The following BNC2 variants were observed in gnomAD, a reference collection of about 807,000 sequenced individuals.
The protein encoded by BNC2 is basonuclin zinc finger protein 2, also known as zinc finger protein basonuclin-2.
Under a neutral mutation model 76.3 loss-of-function variants are expected in BNC2, and 20 were observed. That is an observed-to-expected ratio of 0.26 (90% CI 0.18 to 0.38). The LOEUF is 0.38. Ranked by LOEUF, BNC2 falls within the 10% of genes least tolerant of loss-of-function variation. The pLI, the probability that BNC2 is intolerant of heterozygous loss-of-function variation, is 1.00. For missense variants in BNC2, 1,382 were observed against 1,399.8 expected (o/e 0.99, Z 0.20); for synonymous variants, 582 against 514.8 (o/e 1.13, Z -1.77).
chr9:16,704,110 C>T (rs1190549794), intron 3 of BNC2, among the ~76,000 whole-genome samples: 1 of 152,122 alleles, frequency 6.6e-6, no homozygotes, highest in Admixed American at 6.5e-5. Context: ...AAAAATCAGA[C>T]ACATGAATAT....
At chr9:16,758,336 TC>T (rs1449155776) in intron 1 of BNC2, among the ~76,000 whole-genome samples, 1 of 102,020 alleles carries the variant, frequency 9.8e-6, no homozygotes, top group Non-Finnish European at 2.2e-5. Context: ...GTTTGCAAAG[TC>T]CCTTGTCTTT....
chr9:16,747,345 T>C (rs1563924881), intron 1 of BNC2, among the ~76,000 whole-genome samples: 1 of 38,018 alleles, frequency 2.6e-5, no homozygotes, highest in Non-Finnish European at 9.0e-5. Flanking sequence ...TTATAAAAGA[T>C]ACAATTAACA....
intron 2 of BNC2, among the ~76,000 whole-genome samples, chr9:16,729,415 C>A (rs763725142): frequency 1.1e-4 from 16 of 152,082 alleles, no homozygotes; most frequent in Non-Finnish European, 2.4e-4. Context: ...ACAAAAGAAA[C>A]AGAAAAGAGC....
chr9:16,463,959 G>A (rs749067125), intron 5 of BNC2, among the ~76,000 whole-genome samples: 1 of 151,822 alleles, frequency 6.6e-6, no homozygotes, highest in Non-Finnish European at 1.5e-5. Context: ...GGCCAGGCTT[G>A]GTGGTGCACA....
intron 3 of BNC2, among the ~76,000 whole-genome samples, chr9:16,590,464 A>G (rs1819893289): frequency 6.6e-6 from 1 of 151,582 alleles, no homozygotes; most frequent in Non-Finnish European, 1.5e-5. Context: ...AAGTGCTAGG[A>G]TTACAGGCAT....
chr9:16,622,938 T>A (rs1820903088), intron 3 of BNC2, among the ~76,000 whole-genome samples: 1 of 152,166 alleles, frequency 6.6e-6, no homozygotes, highest in Non-Finnish European at 1.5e-5. Context: ...ATTCTCTGGG[T>A]ACCCTAATAT....
intron 1 of BNC2, among the ~76,000 whole-genome samples, chr9:16,844,875 C>G (rs551199430): frequency 2.5e-3 from 387 of 152,316 alleles, no homozygotes; most frequent in African/African-American, 8.9e-3. Flanking sequence ...AACAACTCAT[C>G]ACTGTATGTA....
intron 3 of BNC2, among the ~76,000 whole-genome samples, chr9:16,714,618 T>TA (rs1823946066): frequency 6.6e-6 from 1 of 152,230 alleles, no homozygotes; most frequent in South Asian, 2.1e-4. Flanking sequence ...AACAACTTGT[T>TA]ATGTTTAAAA....
At chr9:16,869,244 G>A (rs1433830037) in intron 1 of BNC2, among the ~76,000 whole-genome samples, 1 of 151,800 alleles carries the variant, frequency 6.6e-6, no homozygotes, top group African/African-American at 2.4e-5. Flanking sequence ...GCCACTTTTT[G>A]CCACTTTAAT....
chr9:16,560,093 C>A (rs551777026), intron 4 of BNC2, among the ~76,000 whole-genome samples: 2 of 152,172 alleles, frequency 1.3e-5, no homozygotes, highest in Admixed American at 1.3e-4. Flanking sequence ...AGTGGAGGAC[C>A]TGTTGAAACA....
chr9:16,444,471 G>A (rs1273786805), intron 5 of BNC2, among the ~76,000 whole-genome samples: 3 of 152,056 alleles, frequency 2.0e-5, no homozygotes, highest in Admixed American at 6.6e-5. Flanking sequence ...TGACCTCTTG[G>A]TTAGGTGGAC....
At chr9:16,717,130 T>A (rs1198401002) in intron 3 of BNC2, among the ~76,000 whole-genome samples, 1 of 152,224 alleles carries the variant, frequency 6.6e-6, no homozygotes, top group Non-Finnish European at 1.5e-5. Flanking sequence ...CAATTAGAAA[T>A]AGACACCTGG....
At chr9:16,610,941 G>A (rs1347299007) in intron 3 of BNC2, among the ~76,000 whole-genome samples, 1 of 152,146 alleles carries the variant, frequency 6.6e-6, no homozygotes, top group Non-Finnish European at 1.5e-5. Context: ...TACAGCTCCT[G>A]TAATTACACT....
At chr9:16,567,305 G>T (rs73419428) in intron 4 of BNC2, among the ~76,000 whole-genome samples, 8,284 of 152,066 alleles carry the variant, frequency 0.054, 810 homozygotes, top group African/African-American at 0.19. Context: ...AATGCAAAAT[G>T]GGTAATAAAT....
intron 5 of BNC2, among the ~76,000 whole-genome samples, chr9:16,503,939 A>G (rs1041658002): frequency 7.9e-5 from 12 of 152,210 alleles, no homozygotes; most frequent in African/African-American, 2.9e-4. Context: ...CAGGAATTAT[A>G]GTTCAGTAAG....
chr9:16,435,896 G>A lies in BNC2; in HGVS notation c.2298C>T (p.Pro766=), dbSNP rs758965199. The change falls in exon 6 of 7, where the codon CCC becomes CCT. Residue 766 remains proline (P), a synonymous_variant. Coordinates refer to ENST00000380672, the MANE Select transcript of BNC2 (RefSeq NM_017637.6). ...TCACCTTGATGACGTCCTGGTGAGA[G>A]GGCTCACTGTGGTTCTCATCAGGCC... is the stretch of plus-strand genomic sequence containing the variant. ...SERPDENHSE[P]SHQDVIKVKE... is the part of the protein sequence containing the mutation. 10 of 1,613,734 alleles carry A rather than the reference G, an allele frequency of 6.2e-6. No individual in the cohort carries two copies. The highest frequency in any genetic ancestry group is 7.6e-6 in the Non-Finnish European group (9 of 1,179,894).
At chr9:16,726,559 T>TAA (rs35579154) in intron 3 of BNC2, among the ~76,000 whole-genome samples, 5,288 of 102,220 alleles carry the variant, frequency 0.052, 226 homozygotes, top group African/African-American at 0.11. Flanking sequence ...AAAAGCTTTT[T>TAA]AAAAAAAAAA....
chr9:16,579,889 T>C, intron 4 of BNC2: 1 of 386,378 alleles, frequency 2.6e-6, no homozygotes, highest in Non-Finnish European at 4.6e-6. Flanking sequence ...GGTTATTTTT[T>C]AGCAGCAGAT....
In BNC2 at chr9:16,523,109, C is replaced by T. The variant is rs144288298; in HGVS notation, c.669+29421G>A. On this transcript the variant is annotated intron_variant, in intron 5 of 6. Transcript: ENST00000380672. ...CAGGTATCGAGTTTCAGTGTCTATT[C>T]GTGTGTTTTCAAAGCGGTATCAATG... 5.7e-3 allele frequency among the ~76,000 whole-genome samples: 865 copies of T among 152,198 alleles called. 10 individuals are homozygous for T. The highest frequency in any genetic ancestry group is 0.02 in the African/African-American group (819 of 41,514).
Sources: gnomAD v4.1 joint callset for allele counts (sites outside exome capture counted in the v4.1 genomes callset) on GRCh38, gnomAD v4.1.1 for gene constraint, MANE v1.5 for transcripts, NCBI Gene and HGNC (gene_info 2026-07-23, HGNC 2026-07-21) for gene names.